The following EML5 variants were observed in gnomAD, a reference collection of about 807,000 sequenced individuals.
EML5 encodes EMAP like 5.
EML5 carries 120 observed loss-of-function variants against 250.0 expected under a neutral mutation model. The ratio of observed to expected loss-of-function variants is 0.48; its 90% CI spans 0.41 to 0.56. The LOEUF (loss-of-function observed/expected upper bound fraction) is 0.56. EML5 is among the 20% of genes least tolerant of loss of function. The pLI is 0.00. For synonymous variants in EML5, 771 were observed against 806.5 expected, an observed-to-expected ratio of 0.96 and a Z score of 0.75; for missense variants, 2,006 against 2,437.6, an observed-to-expected ratio of 0.82 and a Z score of 3.73.
At chr14:88,709,414 A>C (rs1489514717) in intron 10 of EML5, among the ~76,000 whole-genome samples, 1 of 149,680 alleles carries the variant, frequency 6.7e-6, no homozygotes, top group African/African-American at 2.6e-5. Flanking sequence ...AATAAAAGAA[A>C]TAACCCAACA....
intron 8 of EML5, among the ~76,000 whole-genome samples, chr14:88,721,310 T>C (rs1355088900): frequency 6.6e-6 from 1 of 152,022 alleles, no homozygotes; most frequent in East Asian, 1.9e-4. Context: ...TACAGCCAAG[T>C]CAATCCTAAG....
intron 42 of EML5, 157 bp from the exon 43 acceptor site, chr14:88,616,399 TCTGCAAAACCAGG>T: frequency 1.4e-6 from 1 of 721,592 alleles, no homozygotes; most frequent in Non-Finnish European, 2.3e-6. Flanking sequence ...GAGTAGTGGA[TCTGCAAAACCAGG>T]CTGTGTGGGC....
Position 88,638,845 on chromosome 14 carries a change from G to T in EML5, c.4300C>A (p.Pro1434Thr), listed in dbSNP as rs1489323767. ...DILCLTVNQH[P>T]KFINIVATGQ... ...GTTGCCACTATGTTGATAAATTTGGGGTGCTGGTTTACTGTGAGGCACAGA... is the reference window on the plus strand; with the variant it reads ...GTTGCCACTATGTTGATAAATTTGGTGTGCTGGTTTACTGTGAGGCACAGA... The change falls in exon 32 of 44, where the codon CCC becomes ACC. Residue 1434 changes from proline to threonine, a missense_variant. Pro to Thr is a conservative substitution (Grantham distance 38, BLOSUM62 -1). This residue lies in a region of EML5 where 1,375 missense variants were observed against 1,590.3 expected (regional missense o/e 0.86). Coordinates refer to ENST00000554922, the MANE Select transcript of EML5 (RefSeq NM_183387.3). The T allele has an allele frequency of 1.3e-6, 2 of 1,597,642 alleles. No homozygotes were observed. The highest frequency in any genetic ancestry group is 1.7e-6 in the Non-Finnish European group (2 of 1,171,652).
intron 37 of EML5, 43 bp from the exon 38 acceptor site, chr14:88,621,344 G>A (rs770007064): frequency 3.1e-6 from 5 of 1,604,922 alleles, no homozygotes; most frequent in Non-Finnish European, 4.3e-6. Context: ...TAATACAACA[G>A]CTGCTTTTCT....
intron 8 of EML5, among the ~76,000 whole-genome samples, chr14:88,723,712 T>C (rs971646258): frequency 2.0e-5 from 3 of 152,180 alleles, no homozygotes; most frequent in African/African-American, 7.2e-5. Flanking sequence ...ACGTCGTAAA[T>C]ATATACAGTT....
chr14:88,645,530 TG>T (rs1203708329), intron 29 of EML5, among the ~76,000 whole-genome samples: 3 of 152,176 alleles, frequency 2.0e-5, no homozygotes, highest in Non-Finnish European at 4.4e-5. Flanking sequence ...TTCTTGAAAG[TG>T]AATTTTCGTA....
chr14:88,616,383 C>T lies in EML5; in HGVS notation c.5797-141G>A. ...CGCAGCCAGTGATTAGAATGCTTTT[C>T]AGCATGAGTAGTGGATCTGCAAAAC... On this transcript the variant is annotated intron_variant, in intron 42 of 43. Transcript: ENST00000554922. The T allele has an allele frequency of 2.5e-6, 2 of 809,998 alleles. 1 individual carries two copies. The highest frequency in any genetic ancestry group is 3.3e-5 in the South Asian group (2 of 60,570). The allele number at this position is 809,998 out of a possible 1,614,324, so 50.2% of individuals were successfully genotyped here.
At chr14:88,679,760 A>T (rs1174543228) in intron 21 of EML5, among the ~76,000 whole-genome samples, 3 of 152,166 alleles carry the variant, frequency 2.0e-5, no homozygotes, top group Non-Finnish European at 4.4e-5. Context: ...TTTCAAAAAA[A>T]TGTCCTTGAA....
chr14:88,638,731 A>AT (rs1241909342), intron 32 of EML5, 78 bp downstream of exon 32: 39 of 1,264,640 alleles, frequency 3.1e-5, no homozygotes, highest in Middle Eastern at 2.5e-4. Flanking sequence ...TAAAATTTTG[A>AT]TTTTTTCCTT....
Position 88,680,845 on chromosome 14 carries a change from A to G in EML5, c.3124+1045T>C, listed in dbSNP as rs541255279. 2.2e-4 allele frequency among the ~76,000 whole-genome samples: 34 copies of G among 152,292 alleles called. 1 individual carries two copies. The East Asian group carries it at 6.2e-3, about 28-fold the overall frequency. ...TCCCACAGGTAAAGTCCAATCAAAC[A>G]TGAACTTACAATACAAATTTAAAAT... On this transcript the variant is annotated intron_variant, in intron 21 of 43. Transcript: ENST00000554922.
rs1428224828 is a variant in EML5 at position 88,681,218 on chromosome 14, G to GA, written c.3124+671dup. ...GAATTAAAAACTAGAATAAAGATCT[G>GA]AAAAAATCACACAGACGCCACATAG... is the stretch of plus-strand genomic sequence containing the variant. On this transcript the variant is annotated intron_variant, in intron 21 of 43. Transcript: ENST00000554922. Among the ~76,000 whole-genome samples the GA allele has an allele frequency of 3.9e-5, 6 of 152,272 alleles. No homozygotes were observed. In the East Asian group the frequency reaches 7.7e-4, roughly 20 times the overall value.
At chr14:88,751,507 G>GC (rs1555371978) in intron 2 of EML5, among the ~76,000 whole-genome samples, 1 of 151,136 alleles carries the variant, frequency 6.6e-6, no homozygotes, top group Non-Finnish European at 1.5e-5. Flanking sequence ...AAGAGGAAGA[G>GC]TTTTTTTTTG....
At chr14:88,672,379 C>T (rs901258798) in intron 21 of EML5, among the ~76,000 whole-genome samples, 1 of 152,138 alleles carries the variant, frequency 6.6e-6, no homozygotes, top group Non-Finnish European at 1.5e-5. Context: ...ACCAGAATCT[C>T]TGGGACACAG....
At chr14:88,665,760 T>C (rs1239550487) in intron 21 of EML5, among the ~76,000 whole-genome samples, 1 of 151,906 alleles carries the variant, frequency 6.6e-6, no homozygotes, top group Non-Finnish European at 1.5e-5. Context: ...AGTAAATAAA[T>C]AGACAGGCAT....
chr14:88,723,305 C>A (rs1032760542), intron 8 of EML5, among the ~76,000 whole-genome samples: 1 of 152,104 alleles, frequency 6.6e-6, no homozygotes. Context: ...TTTGCTACCA[C>A]ACGGATGAAC....
At chr14:88,668,506 T>C (rs544603951) in intron 21 of EML5, among the ~76,000 whole-genome samples, 5 of 151,924 alleles carry the variant, frequency 3.3e-5, no homozygotes, top group African/African-American at 4.8e-5. Context: ...CAGGAAGTGA[T>C]CAACAGATTG....
intron 21 of EML5, among the ~76,000 whole-genome samples, chr14:88,676,099 C>T (rs2092588218): frequency 6.6e-6 from 1 of 152,232 alleles, no homozygotes; most frequent in Non-Finnish European, 1.5e-5. Context: ...GCCCTCCAAA[C>T]TGTTCCAACC....
chr14:88,727,696 C>A (rs1425197874), intron 7 of EML5, among the ~76,000 whole-genome samples: 1 of 152,128 alleles, frequency 6.6e-6, no homozygotes, highest in Non-Finnish European at 1.5e-5. Context: ...CCGCACCCAG[C>A]CAATACAATG....
chr14:88,739,112 G>T, intron 5 of EML5, 98 bp from the exon 6 acceptor site: 1 of 1,183,466 alleles, frequency 8.4e-7, no homozygotes, highest in East Asian at 2.6e-5. Flanking sequence ...ACAATATTTT[G>T]GTAGGATATA....
Sources: allele counts gnomAD v4.1 joint callset (sites outside exome capture counted in the v4.1 genomes callset), GRCh38; gene constraint gnomAD v4.1.1; regional missense constraint gnomAD v4.1.1; transcripts MANE v1.5; gene names NCBI Gene and HGNC (gene_info 2026-07-23, HGNC 2026-07-21).